Variants in BAIAP2 observed in about 807,000 individuals in gnomAD.
BAIAP2 encodes the protein BAR/IMD domain containing adaptor protein 2.
Under a neutral mutation model 63.0 loss-of-function variants are expected in BAIAP2, and 18 were observed. The observed-to-expected ratio is 0.29, with a 90% CI of 0.20 to 0.42. The LOEUF is 0.42. Ranked by LOEUF, BAIAP2 falls within the 10% of genes least tolerant of loss-of-function variation. The pLI, the probability that BAIAP2 is intolerant of heterozygous loss-of-function variation, is 1.00. For synonymous variants in BAIAP2, 386 were observed against 307.6 expected (o/e 1.25, Z -2.67); for missense variants, 610 against 734.3 (o/e 0.83, Z 1.96).
rs374826587 is a variant in BAIAP2, at chr17:81,108,097, A to C, written c.1501-378A>C. 2.3e-4 allele frequency: 71 copies of C among 304,938 alleles called. No homozygotes were observed. The East Asian group carries it at 4.6e-3, about 20-fold the overall frequency. The allele number at this position is 304,938 out of a possible 1,614,324, so 18.9% of individuals were successfully genotyped here. On this transcript the variant is annotated intron_variant, in intron 12 of 13. Coordinates refer to ENST00000428708, the MANE Select transcript of BAIAP2 (RefSeq NM_001144888.2). ...CCTGGGTCCTACAAGCAGGCGGAGG[A>C]GTCCCAGGGGCCCGCCCAGGCATGG...
intron 3 of BAIAP2, among the ~76,000 whole-genome samples, chr17:81,060,197 C>A (rs2050305814): frequency 6.6e-6 from 1 of 152,202 alleles, no homozygotes; most frequent in South Asian, 2.1e-4. Context: ...AATTCACATG[C>A]CATACAGTTA....
At chr17:81,097,346 G>A (rs2057794894) in intron 6 of BAIAP2, among the ~76,000 whole-genome samples, 1 of 152,246 alleles carries the variant, frequency 6.6e-6, no homozygotes, top group Non-Finnish European at 1.5e-5. Flanking sequence ...ACACTGGCCA[G>A]CAGGCAGAGC....
At chr17:81,054,600 G>A (rs2049164928) in intron 2 of BAIAP2, among the ~76,000 whole-genome samples, 1 of 152,202 alleles carries the variant, frequency 6.6e-6, no homozygotes, top group Non-Finnish European at 1.5e-5. Context: ...GAAACTGTGG[G>A]ATCAGGGCTG....
At chr17:81,082,063 C>G (rs1465660363) in intron 3 of BAIAP2, among the ~76,000 whole-genome samples, 1 of 152,100 alleles carries the variant, frequency 6.6e-6, no homozygotes, top group Non-Finnish European at 1.5e-5. Context: ...CTGCTCCCTC[C>G]TGGCCCCGGG....
chr17:81,110,306 C>G (rs2059761737), intron 13 of BAIAP2: 1 of 986,120 alleles, frequency 1.0e-6, no homozygotes, highest in African/African-American at 1.7e-5. Context: ...AGAGACCCTT[C>G]CGCGCCGGCG....
At chr17:81,062,701 T>C (rs2050783747) in intron 3 of BAIAP2, among the ~76,000 whole-genome samples, 1 of 151,782 alleles carries the variant, frequency 6.6e-6, no homozygotes, top group South Asian at 2.1e-4. Context: ...TTTTTTTTTT[T>C]TTTCGGTTAG....
chr17:81,077,080 A>C (rs2053779202), intron 3 of BAIAP2, among the ~76,000 whole-genome samples: 1 of 152,154 alleles, frequency 6.6e-6, no homozygotes, highest in Non-Finnish European at 1.5e-5. Flanking sequence ...GATTGCAGTG[A>C]TTGAAGTGTT....
intron 1 of BAIAP2, among the ~76,000 whole-genome samples, chr17:81,049,075 G>C (rs553669755): frequency 2.0e-5 from 3 of 152,254 alleles, no homozygotes; most frequent in Admixed American, 6.5e-5. Context: ...CTGGAAGTCC[G>C]TGCCGGCCCG....
chr17:81,089,611 C>T (rs1471834703), intron 6 of BAIAP2, among the ~76,000 whole-genome samples: 3 of 151,518 alleles, frequency 2.0e-5, no homozygotes, highest in East Asian at 2.0e-4. Flanking sequence ...ACAAAGCCCC[C>T]CTCGTCCGCA....
intron 1 of BAIAP2, among the ~76,000 whole-genome samples, chr17:81,047,583 C>T (rs1228687928): frequency 2.0e-5 from 3 of 151,848 alleles, no homozygotes; most frequent in Admixed American, 2.0e-4. Flanking sequence ...AGCTCATGCC[C>T]ACAGCACACA....
At chr17:81,079,275 G>C (rs1365034465) in intron 3 of BAIAP2, among the ~76,000 whole-genome samples, 1 of 152,174 alleles carries the variant, frequency 6.6e-6, no homozygotes, top group Non-Finnish European at 1.5e-5. Context: ...AGGAGGCTGG[G>C]CTCCCTGGTC....
At chr17:81,045,231 A>G (rs2047642930) in intron 1 of BAIAP2, among the ~76,000 whole-genome samples, 1 of 152,174 alleles carries the variant, frequency 6.6e-6, no homozygotes, top group Non-Finnish European at 1.5e-5. Context: ...GAAAGCTCGC[A>G]GAGGGCGTGC....
At chr17:81,087,457 C>T (rs1005457051) in intron 6 of BAIAP2, 1 of 152,280 alleles carries the variant, frequency 6.6e-6, no homozygotes. Context: ...GTGGCCTCGC[C>T]CTGGGACTGG....
At chr17:81,064,686 T>C (rs1398327417) in intron 3 of BAIAP2, among the ~76,000 whole-genome samples, 1 of 152,104 alleles carries the variant, frequency 6.6e-6, no homozygotes, top group African/African-American at 2.4e-5. Flanking sequence ...AGCCGGCCTT[T>C]GGTGATGTGG....
At chr17:81,053,453 A>G (rs934566857) in intron 1 of BAIAP2, 12 of 587,828 alleles carry the variant, frequency 2.0e-5, no homozygotes, top group East Asian at 2.9e-5. Context: ...CCCTTTGCAC[A>G]GGTGTGAAAA....
Position 81,086,514 on chromosome 17 carries a change from G to A in BAIAP2, c.423G>A (p.Leu141=). The A allele has an allele frequency of 6.2e-7, 1 of 1,614,036 alleles. No homozygotes were observed. The highest frequency in any genetic ancestry group is 8.5e-7 in the Non-Finnish European group (1 of 1,180,032). ...GDALDKCQAE[L]KKLRKKSQGS... ...CCCTGGACAAGTGTCAGGCTGAGCT[G>A]AAGAAGCTTCGGAAGAAGAGCCAGG... The change falls in exon 6 of 14, where the codon CTG becomes CTA. Residue 141 remains leucine, a synonymous_variant. Coordinates refer to ENST00000428708, the MANE Select transcript of BAIAP2 (RefSeq NM_001144888.2).
intron 6 of BAIAP2, among the ~76,000 whole-genome samples, chr17:81,093,834 G>A (rs1398761586): frequency 1.3e-5 from 2 of 152,188 alleles, no homozygotes; most frequent in African/African-American, 4.8e-5. Flanking sequence ...TAGCAGGGCC[G>A]GTGATCGCCA....
chr17:81,051,318 A>C (rs2048648698), intron 1 of BAIAP2, among the ~76,000 whole-genome samples: 1 of 152,162 alleles, frequency 6.6e-6, no homozygotes, highest in Admixed American at 6.5e-5. Context: ...TGGGTCTCCC[A>C]GCATACGCCA....
rs570590001 is a variant in BAIAP2 at position 81,100,047 on chromosome 17, C to T, written c.609C>T (p.Ala203=). ...GCTTCCTGGTGGAGAAGCAGTGCGC[C>T]GTGGCCAAGAACTCCGCGGCCTACC... is the stretch of plus-strand genomic sequence containing the variant. The part of the protein sequence containing the change: ...RFCFLVEKQC[A]VAKNSAAYHS... Residue 203 remains alanine (A), a synonymous_variant, in exon 7 of 14, where the codon GCC becomes GCT. Transcript: ENST00000428708. 2.5e-5 allele frequency: 41 copies of T among 1,612,026 alleles called. No individual in the cohort carries two copies. The highest frequency in any genetic ancestry group is 3.1e-5 in the Non-Finnish European group (36 of 1,179,808).
Sources: gnomAD v4.1 joint callset for allele counts (sites outside exome capture counted in the v4.1 genomes callset) on GRCh38, gnomAD v4.1.1 for gene constraint, MANE v1.5 for transcripts, NCBI Gene and HGNC (gene_info 2026-07-23, HGNC 2026-07-21) for gene names.